Variants in RRP15 observed in about 807,000 individuals in gnomAD.
The protein encoded by RRP15 is RRP15-like protein.
A neutral mutation model predicts 27.1 loss-of-function variants in RRP15; 18 were observed. The observed-to-expected ratio is 0.66, with a 90% CI of 0.46 to 0.98. RRP15 has a LOEUF of 0.98. Ranked by LOEUF, RRP15 falls within the 50% of genes least tolerant of loss-of-function variation. The probability of loss-of-function intolerance (pLI) is 0.00; values close to 1 mark genes in which losing one functional copy is unlikely to be tolerated. For synonymous variants in RRP15, 107 were observed against 109.4 expected, an observed-to-expected ratio of 0.98 and a Z score of 0.14; for missense variants, 359 against 337.8, an observed-to-expected ratio of 1.06 and a Z score of -0.49.
rs368732875 is a variant in RRP15 at position 218,335,023 on chromosome 1, C to T, written c.*3932C>T. 6 of 151,940 alleles carry T rather than the reference C, an allele frequency of 3.9e-5. No homozygotes were observed. Among genetic ancestry groups the T allele is most frequent in the African/African-American group, 1.2e-4 (5 of 41,386 alleles). The allele number at this position is 151,940 out of a possible 1,614,324, so 9.4% of individuals were successfully genotyped here. Reference sequence around the variant, plus strand: ...GAAGTAGAATGTTTGAGGTGGTTGACAAGACATTTAGAATTGTGATTAATG... The same window carrying T: ...GAAGTAGAATGTTTGAGGTGGTTGATAAGACATTTAGAATTGTGATTAATG... On this transcript the variant is annotated 3_prime_UTR_variant, in exon 5 of 5. Transcript: ENST00000366932.
At chr1:218,302,183 C>T in intron 1 of RRP15, 111 bp from the exon 2 acceptor site, 1 of 746,580 alleles carries the variant, frequency 1.3e-6, no homozygotes, top group Non-Finnish European at 2.3e-6. Flanking sequence ...AGAAAAGTAC[C>T]CCCCTTGCAA....
chr1:218,286,301 C>A (rs184137613), intron 1 of RRP15, among the ~76,000 whole-genome samples: 165 of 152,242 alleles, frequency 1.1e-3, no homozygotes, highest in Non-Finnish European at 1.9e-3. Context: ...GCCAATATGC[C>A]CCTCACAAAC....
rs571184200 is a variant in RRP15, at chr1:218,330,226, C to A, written c.706-722C>A. Among the ~76,000 whole-genome samples, 15 of 152,126 alleles carry A rather than the reference C, an allele frequency of 9.9e-5. 1 individual carries two copies. In the East Asian group the frequency reaches 2.5e-3, roughly 25 times the overall value. ...CATCTATTGTATTACTTAATTGATACCACAAGGTGGTACTGTTGTACCATG... is the reference window on the plus strand; with the variant it reads ...CATCTATTGTATTACTTAATTGATAACACAAGGTGGTACTGTTGTACCATG... On this transcript the variant is annotated intron_variant, in intron 4 of 4. Transcript: ENST00000366932.
In RRP15 at chr1:218,285,555, T is replaced by G. The variant is rs541921841; in HGVS notation, c.139+100T>G. 6 of 1,520,600 alleles carry G rather than the reference T, an allele frequency of 3.9e-6. No individual in the cohort carries two copies. In the East Asian group the frequency reaches 1.1e-4, roughly 29 times the overall value. 94.2% of individuals were successfully genotyped at this position (1,520,600 alleles called of 1,614,324 possible). ...CTTCATTTGCTGCTAGCCACCTGGG[T>G]TTTATCTTGGCACCACTTCAGAGGG... is the stretch of plus-strand genomic sequence containing the variant. On this transcript the variant is annotated intron_variant, in intron 1 of 4. Transcript: ENST00000366932.
intron 4 of RRP15, among the ~76,000 whole-genome samples, chr1:218,322,790 G>A (rs1656207481): frequency 6.6e-6 from 1 of 152,094 alleles, no homozygotes; most frequent in African/African-American, 2.4e-5. Context: ...TGGTGCCTTT[G>A]CCTGTTTTGC....
At position 218,331,415 on chromosome 1, in the gene RRP15, T is replaced by C. The variant is rs1656366895; in HGVS notation, c.*324T>C. On this transcript the variant is annotated 3_prime_UTR_variant, in exon 5 of 5. Coordinates refer to ENST00000366932, the MANE Select transcript of RRP15 (RefSeq NM_016052.4). ...TCAGTATCACCAATGTTTTCAGAAA[T>C]ACAGTACTAATTCATCATTAAACTC... The C allele has an allele frequency of 1.1e-5, 2 of 178,044 alleles. No homozygotes were observed. Among genetic ancestry groups the C allele is most frequent in the Non-Finnish European group, 2.4e-5 (2 of 84,112 alleles). The allele number at this position is 178,044 out of a possible 1,614,324, so 11.0% of individuals were successfully genotyped here.
At chr1:218,324,699 T>G (rs1328318983) in intron 4 of RRP15, among the ~76,000 whole-genome samples, 1 of 152,140 alleles carries the variant, frequency 6.6e-6, no homozygotes. Flanking sequence ...CAGTCTCTTC[T>G]CCTTTGGCCA....
Position 218,301,939 on chromosome 1 carries a change from A to G in RRP15, c.140-355A>G, listed in dbSNP as rs1031171515. The stretch of plus-strand genomic sequence containing the variant: ...CCCCTTCCATTAGTTTAGTGACACA[A>G]TTAAGGTTTGTGTACTTGAATATAC... On this transcript the variant is annotated intron_variant, in intron 1 of 4. Transcript: ENST00000366932. 4.6e-5 allele frequency: 9 copies of G among 196,112 alleles called. No homozygotes were observed. The East Asian group carries it at 7.0e-4, about 15-fold the overall frequency. The allele number at this position is 196,112 out of a possible 1,614,324, so 12.1% of individuals were successfully genotyped here. A position where few individuals can be genotyped will look rare whatever the true frequency, so the allele number is the denominator to read the frequency against.
intron 4 of RRP15, 46 bp from the exon 5 acceptor site, chr1:218,330,902 T>C: frequency 6.4e-7 from 1 of 1,567,458 alleles, no homozygotes; most frequent in East Asian, 2.2e-5. Context: ...TGTTTCCTTA[T>C]GATGGAATTG....
At chr1:218,294,210 G>A (rs1655686733) in intron 1 of RRP15, among the ~76,000 whole-genome samples, 1 of 152,102 alleles carries the variant, frequency 6.6e-6, no homozygotes, top group South Asian at 2.1e-4. Flanking sequence ...AAATGTGTAT[G>A]GATTCATTCT....
intron 1 of RRP15, 29 bp downstream of exon 1, chr1:218,285,484 C>G (rs200334502): frequency 4.1e-5 from 66 of 1,612,108 alleles, no homozygotes; most frequent in Non-Finnish European, 3.2e-5. Flanking sequence ...GCTTTGGTGT[C>G]TGGGAGGAAA....
rs1212903632 is a variant in RRP15, at chr1:218,304,889, T to C, written c.406-139T>C. On this transcript the variant is annotated intron_variant, in intron 2 of 4. Transcript: ENST00000366932. Reference sequence around the variant, plus strand: ...GGCTCTCGAAGCTAAACCCCTAACATTGTGTTTTTTTAAAAGCCCCTGACA... The same window carrying C: ...GGCTCTCGAAGCTAAACCCCTAACACTGTGTTTTTTTAAAAGCCCCTGACA... The C allele has an allele frequency of 7.1e-6, 5 of 707,230 alleles. No individual in the cohort carries two copies. In the Admixed American group the frequency reaches 1.1e-4, roughly 15 times the overall value. 43.8% of individuals were successfully genotyped at this position (707,230 alleles called of 1,614,324 possible). A position where few individuals can be genotyped will look rare whatever the true frequency, so the allele number is the denominator to read the frequency against.
chr1:218,296,030 T>C (rs921456414), intron 1 of RRP15, among the ~76,000 whole-genome samples: 4 of 152,020 alleles, frequency 2.6e-5, no homozygotes, highest in Admixed American at 6.6e-5. Context: ...GGAGCAGTAG[T>C]TTTAGAGAGC....
intron 1 of RRP15, among the ~76,000 whole-genome samples, chr1:218,290,286 A>G (rs1440375059): frequency 6.6e-6 from 1 of 152,226 alleles, no homozygotes. Context: ...GATTCTAGTT[A>G]CAGTAATGTT....
chr1:218,293,702 T>C (rs142248082), intron 1 of RRP15, among the ~76,000 whole-genome samples: 17 of 152,324 alleles, frequency 1.1e-4, no homozygotes, highest in Admixed American at 3.9e-4. Flanking sequence ...TTTTCACATA[T>C]TGTATAAGAA....
chr1:218,322,750 G>C (rs143387138), intron 4 of RRP15, among the ~76,000 whole-genome samples: 1 of 152,012 alleles, frequency 6.6e-6, no homozygotes. Context: ...CTTGGGTGTC[G>C]CTTCACCAGC....
chr1:218,307,744 T>C, intron 4 of RRP15, 112 bp downstream of exon 4: 1 of 754,814 alleles, frequency 1.3e-6, no homozygotes, highest in South Asian at 1.9e-5. Context: ...TTCCTAAATT[T>C]TATTAAAATT....
At position 218,307,452 on chromosome 1, in the gene RRP15, T is replaced by C. The variant is rs769653969; in HGVS notation, c.525T>C (p.Asn175=). Residue 175 remains asparagine, a synonymous_variant, in exon 4 of 5, where the codon AAT becomes AAC. Coordinates refer to ENST00000366932, the MANE Select transcript of RRP15 (RefSeq NM_016052.4). ...IATRGVVQLF[N]AVQKHQKNVD... ...ACAGGGGTGTGGTGCAATTATTTAA[T>C]GCTGTTCAGAAACATCAAAAGAATG... The C allele has an allele frequency of 2.5e-6, 4 of 1,613,716 alleles. No homozygotes were observed. In the South Asian group the frequency reaches 4.4e-5, roughly 18 times the overall value.
chr1:218,298,663 C>T (rs1174389460), intron 1 of RRP15, among the ~76,000 whole-genome samples: 3 of 152,132 alleles, frequency 2.0e-5, no homozygotes, highest in Non-Finnish European at 1.5e-5. Flanking sequence ...TACCTCAGTA[C>T]GTCGGAGGTT....
Sources: gnomAD v4.1 joint callset for allele counts (sites outside exome capture counted in the v4.1 genomes callset) on GRCh38, gnomAD v4.1.1 for gene constraint, MANE v1.5 for transcripts, NCBI Gene and HGNC (gene_info 2026-07-23, HGNC 2026-07-21) for gene names.